The following ZNF324B variants were observed in gnomAD, a reference collection of about 807,000 sequenced individuals.
ZNF324B encodes the protein zinc finger protein 324B.
A neutral mutation model predicts 10.6 loss-of-function variants in ZNF324B; 7 were observed. That is an observed-to-expected ratio of 0.66 (90% confidence interval 0.38 to 1.24). The LOEUF (loss-of-function observed/expected upper bound fraction) is 1.24. Ranked by LOEUF, ZNF324B falls within the 50% of genes most tolerant of loss-of-function variation. The probability of loss-of-function intolerance (pLI) is 0.02; values close to 1 mark genes in which losing one functional copy is unlikely to be tolerated. For missense variants in ZNF324B, 640 were observed against 764.7 expected, an observed-to-expected ratio of 0.84 and a Z score of 1.92; for synonymous variants, 316 against 321.0, an observed-to-expected ratio of 0.98 and a Z score of 0.17.
chr19:58,453,361 A>C, intron 1 of ZNF324B: 1 of 380,738 alleles, frequency 2.6e-6, no homozygotes, highest in Non-Finnish European at 4.9e-6. Context: ...CAAGAAGGGC[A>C]CATCTGGGGA....
chr19:58,434,913 G>A, the ZNF324B span: 349 of 1,613,978 alleles, frequency 2.2e-4, no homozygotes, highest in African/African-American at 5.5e-4. Context: ...TCATAAGTGC[G>A]TCCCTGTCCT....
At chr19:58,438,773 ATT>A in the ZNF324B span, among the ~76,000 whole-genome samples, 5 of 106,438 alleles carry the variant, frequency 4.7e-5, no homozygotes, top group African/African-American at 7.3e-5. Context: ...ACGCCCGGCA[ATT>A]TTTTTTTTTT....
chr19:58,424,839 C>T, the ZNF324B span, among the ~76,000 whole-genome samples: 1 of 152,060 alleles, frequency 6.6e-6, no homozygotes, highest in East Asian at 1.9e-4. Context: ...ATTAAACATA[C>T]ACCTACCATA....
At chr19:58,453,137 G>T (rs537473212) in intron 1 of ZNF324B, 1 of 150,948 alleles carries the variant, frequency 6.6e-6, no homozygotes, top group South Asian at 2.1e-4. Flanking sequence ...AAATTGAGGA[G>T]GGGGCGCCAT....
the ZNF324B span, among the ~76,000 whole-genome samples, chr19:58,427,441 TC>T: frequency 1.2e-5 from 1 of 84,296 alleles, no homozygotes; most frequent in African/African-American, 8.5e-5. Context: ...CTTCCTTCCT[TC>T]CTTTCCTTTC....
the ZNF324B span, among the ~76,000 whole-genome samples, chr19:58,446,006 G>T: frequency 1.3e-5 from 2 of 151,634 alleles, no homozygotes; most frequent in Admixed American, 6.6e-5. Context: ...ATGGTGGCAG[G>T]CACCTGTAAT....
chr19:58,455,151 G>A lies in ZNF324B; in HGVS notation c.239-32G>A. The A allele has an allele frequency of 6.2e-7, 1 of 1,613,258 alleles. No homozygotes were observed. On this transcript the variant is annotated intron_variant, in intron 3 of 3. Coordinates refer to ENST00000336614, the MANE Select transcript of ZNF324B (RefSeq NM_207395.3). This position sits in a 1 kb window ranked among gnomAD's most constrained non-coding sequence, Gnocchi z 7.0. Reference sequence around the variant, plus strand: ...GCCCTGGTCCTCTCCTAACCAGGATGCCCCAGGCAACCACCGTTTCTCTGC... The same window carrying A: ...GCCCTGGTCCTCTCCTAACCAGGATACCCCAGGCAACCACCGTTTCTCTGC...
chr19:58,431,599 C>G, the ZNF324B span, among the ~76,000 whole-genome samples: 5 of 152,146 alleles, frequency 3.3e-5, no homozygotes, highest in African/African-American at 1.2e-4. Context: ...CACATCCCAG[C>G]CAATGCTCTC....
In ZNF324B at chr19:58,456,878, G is replaced by T; in HGVS notation, c.*299G>T. 1 of 509,768 alleles carries T rather than the reference G, an allele frequency of 2.0e-6. No homozygotes were observed. Among genetic ancestry groups the T allele is most frequent in the Non-Finnish European group, 3.5e-6 (1 of 282,480 alleles). 31.6% of individuals were successfully genotyped at this position (509,768 alleles called of 1,614,324 possible). A position where few individuals can be genotyped will look rare whatever the true frequency, so the allele number is the denominator to read the frequency against. ...TTGGGGCCATAGGACGCCGACAAAG[G>T]CAGCGCTGCATGGTGGTGCTACTTC... On this transcript the variant is annotated 3_prime_UTR_variant, in exon 4 of 4. Transcript: ENST00000336614. This position sits in a 1 kb window ranked among gnomAD's most constrained non-coding sequence, Gnocchi z 4.7.
chr19:58,440,153 T>A, the ZNF324B span: 12 of 363,692 alleles, frequency 3.3e-5, no homozygotes, highest in African/African-American at 2.6e-4. Context: ...AGGACCGCAA[T>A]GGCGGCGCCG....
At chr19:58,450,659 G>A (rs2052849647), upstream of ZNF324B, among the ~76,000 whole-genome samples, 2 of 152,280 alleles carry the variant, frequency 1.3e-5, no homozygotes, top group South Asian at 4.1e-4. Flanking sequence ...TCTGTGGACA[G>A]TTATAGCTGA....
intron 3 of ZNF324B, 85 bp downstream of exon 3, chr19:58,454,429 C>A (rs755304954): frequency 1.2e-6 from 1 of 858,954 alleles, no homozygotes; most frequent in Admixed American, 1.8e-5. Flanking sequence ...GGAAACACAT[C>A]CTCCTCTCCT....
At chr19:58,422,824 A>G in the ZNF324B span, among the ~76,000 whole-genome samples, 1 of 152,200 alleles carries the variant, frequency 6.6e-6, no homozygotes, top group Non-Finnish European at 1.5e-5. Context: ...ATACAAACAA[A>G]TGGAAAAACA....
the ZNF324B span, chr19:58,430,396 AT>A: frequency 6.6e-6 from 1 of 152,230 alleles, no homozygotes; most frequent in African/African-American, 2.4e-5. Context: ...GTTTTGAGTA[AT>A]TTGTTACACA....
Position 58,455,412 on chromosome 19 carries a change from C to CA in ZNF324B, c.469dup (p.Ser157LysfsTer37). 6.2e-7 allele frequency: 1 copy of CA among 1,614,232 alleles called. No homozygotes were observed. The stretch of plus-strand genomic sequence containing the variant: ...TGCTAGGCTCGCGCAGTGACCAGGC[C>CA]AGCATCAGCCTGCGACTGACCTCCC... On this transcript the variant is annotated frameshift_variant, in exon 4 of 4. Transcript: ENST00000336614. LOFTEE classifies it low-confidence loss of function (END_TRUNC). This position sits in a 1 kb window ranked among gnomAD's most constrained non-coding sequence, Gnocchi z 7.0.
Position 58,454,209 on chromosome 19 carries a change from C to T in ZNF324B, c.122-19C>T. 1 of 1,576,594 alleles carries T rather than the reference C, an allele frequency of 6.3e-7. No homozygotes were observed. On this transcript the variant is annotated intron_variant, in intron 2 of 3. Transcript: ENST00000336614. Reference sequence around the variant, plus strand: ...TTGTCTTGACCTGGGGCTGGGCTCTCACCTGCTCCTCCTCACAGGACTCTC... The same window carrying T: ...TTGTCTTGACCTGGGGCTGGGCTCTTACCTGCTCCTCCTCACAGGACTCTC...
chr19:58,439,961 T>G, the ZNF324B span: 1 of 756,780 alleles, frequency 1.3e-6, no homozygotes, highest in Non-Finnish European at 2.1e-6. Flanking sequence ...AGGCTGGGTA[T>G]GGAGACCCTG....
the ZNF324B span, among the ~76,000 whole-genome samples, chr19:58,446,573 CTTTTTTTT>C: frequency 9.8e-6 from 1 of 102,510 alleles, no homozygotes; most frequent in African/African-American, 4.7e-5. Context: ...ATTTCTTTCT[CTTTTTTTT>C]TTTTTTTTTT....
At chr19:58,444,801 C>G in the ZNF324B span, 3 of 152,346 alleles carry the variant, frequency 2.0e-5, no homozygotes, top group South Asian at 6.2e-4. Context: ...AAGGCCTTCA[C>G]TTTTGTCTTC....
Sources: allele counts gnomAD v4.1 joint callset (sites outside exome capture counted in the v4.1 genomes callset), GRCh38; gene constraint gnomAD v4.1.1; non-coding constraint Gnocchi (gnomAD v3.1); transcripts MANE v1.5; gene names NCBI Gene and HGNC (gene_info 2026-07-23, HGNC 2026-07-21).